The following BRD7 variants were observed in gnomAD, a reference collection of about 807,000 sequenced individuals.
BRD7 encodes the protein bromodomain-containing protein 7.
A neutral mutation model predicts 82.1 loss-of-function variants in BRD7; 15 were observed. That is an observed-to-expected ratio of 0.18 (90% CI 0.12 to 0.28). The LOEUF (loss-of-function observed/expected upper bound fraction) is 0.28, where lower values mean the gene tolerates loss of function less well. Ranked by LOEUF, BRD7 falls within the 10% of genes least tolerant of loss-of-function variation. The probability of loss-of-function intolerance (pLI) is 1.00; values close to 1 mark genes in which losing one functional copy is unlikely to be tolerated. For synonymous variants in BRD7, 232 were observed against 266.9 expected, an observed-to-expected ratio of 0.87 and a Z score of 1.27; for missense variants, 638 against 779.9, an observed-to-expected ratio of 0.82 and a Z score of 2.17.
chr16:50,350,316 T>C (rs974203355), intron 4 of BRD7, 149 bp from the exon 5 acceptor site: 10 of 558,716 alleles, frequency 1.8e-5, no homozygotes, highest in African/African-American at 1.8e-4. Context: ...GAAGAAATGA[T>C]TTTAAAGTCT....
At chr16:50,324,144 A>G (rs1440788297) in intron 11 of BRD7, among the ~76,000 whole-genome samples, 6 of 152,104 alleles carry the variant, frequency 3.9e-5, no homozygotes, top group Non-Finnish European at 4.4e-5. Context: ...CCCCCCAAGT[A>G]ATGTTCCAAA....
chr16:50,324,316 C>A (rs572046680), intron 11 of BRD7, among the ~76,000 whole-genome samples: 1 of 152,146 alleles, frequency 6.6e-6, no homozygotes, highest in Non-Finnish European at 1.5e-5. Context: ...GCTACTCCCC[C>A]GGTCCATTTC....
intron 2 of BRD7, among the ~76,000 whole-genome samples, chr16:50,360,058 A>C (rs2151204713): frequency 6.6e-6 from 1 of 152,354 alleles, no homozygotes; most frequent in East Asian, 1.9e-4. Context: ...CTTTTAAAGC[A>C]AATCTTTGCT....
At chr16:50,319,363 T>C in intron 16 of BRD7, 97 bp from the exon 17 acceptor site, 13 of 1,152,642 alleles carry the variant, frequency 1.1e-5, no homozygotes, top group Non-Finnish European at 1.6e-5. Context: ...GCATAACTGC[T>C]GAGAGCCCTT....
chr16:50,319,183 A>ATAAT lies in BRD7; in HGVS notation c.*24_*27dup, dbSNP rs1482778827. The ATAAT allele has an allele frequency of 6.4e-7, 1 of 1,555,048 alleles. No individual in the cohort carries two copies. The highest frequency in any genetic ancestry group is 1.4e-5 in the African/African-American group (1 of 73,250). On this transcript the variant is annotated 3_prime_UTR_variant, in exon 17 of 17. Coordinates refer to ENST00000394688, the MANE Select transcript of BRD7 (RefSeq NM_013263.5). Reference sequence around the variant, plus strand: ...AAGTTAAGAATGAAAAAGTATGTACATAATATATAATCAAATACCAGGCAG... The same window carrying ATAAT: ...AAGTTAAGAATGAAAAAGTATGTACATAATTAATATATAATCAAATACCAGGCAG...
rs1169781733 is a variant in BRD7 at position 50,325,889 on chromosome 16, G to GA, written c.1196-7dup. The GA allele has an allele frequency of 1.3e-6, 2 of 1,580,868 alleles. No individual in the cohort carries two copies. The highest frequency in any genetic ancestry group is 2.7e-5 in the African/African-American group (2 of 73,048). On this transcript the variant is annotated splice_polypyrimidine_tract_variant and splice_region_variant and intron_variant, in intron 10 of 16. Coordinates refer to ENST00000394688, the MANE Select transcript of BRD7 (RefSeq NM_013263.5). ...CCCATAATTCAAATATAACACTGTT[G>GA]AAAAAATCAAATACTGTAACACTAT...
intron 2 of BRD7, among the ~76,000 whole-genome samples, chr16:50,358,085 T>C (rs2038805193): frequency 6.6e-6 from 1 of 152,208 alleles, no homozygotes; most frequent in African/African-American, 2.4e-5. Flanking sequence ...AACTCTGCTT[T>C]TGTATTATAG....
At position 50,354,888 on chromosome 16, in the gene BRD7, T is replaced by G. The variant is rs1185113224; in HGVS notation, c.293A>C (p.Glu98Ala). Residue 98 changes from glutamate to alanine, a missense_variant, in exon 3 of 17, where the codon GAG (glutamate) becomes GCG (alanine). This residue lies in a region of BRD7 where 172 missense variants were observed against 155.3 expected (regional missense o/e 1.11). Coordinates refer to ENST00000394688, the MANE Select transcript of BRD7 (RefSeq NM_013263.5). ...DKKKRDRDRV[E>A]NEAEKDLQCH... The stretch of plus-strand genomic sequence containing the variant: ...CTGGAGATCTTTTTCTGCCTCATTC[T>G]CCACCCGGTCTCGATCTCGCTTCTT... 1 of 1,613,806 alleles carries G rather than the reference T, an allele frequency of 6.2e-7. No individual in the cohort carries two copies.
At position 50,358,641 on chromosome 16, in the gene BRD7, G is replaced by T. The variant is rs1683910244; in HGVS notation, c.259-3719C>A. ...TTTATCTTACAGAGTTGATAAGATG[G>T]TCAATCATAAACTAGCCAAGTGGAA... On this transcript the variant is annotated intron_variant, in intron 2 of 16. Transcript: ENST00000394688. Among the ~76,000 whole-genome samples the T allele has an allele frequency of 3.9e-5, 6 of 152,258 alleles. No homozygotes were observed. The South Asian group carries it at 1.0e-3, about 26-fold the overall frequency.
At chr16:50,344,438 C>T (rs1044075741) in intron 5 of BRD7, among the ~76,000 whole-genome samples, 2 of 152,162 alleles carry the variant, frequency 1.3e-5, no homozygotes, top group Non-Finnish European at 2.9e-5. Context: ...GAGAAGAATG[C>T]TTCAGACGAT....
chr16:50,339,590 A>C (rs572563306), intron 6 of BRD7, among the ~76,000 whole-genome samples: 3 of 152,214 alleles, frequency 2.0e-5, no homozygotes, highest in Non-Finnish European at 4.4e-5. Flanking sequence ...TCTTACTAGA[A>C]ATTCTGTGCT....
chr16:50,339,883 AAATC>A (rs2037976340), intron 6 of BRD7, 89 bp downstream of exon 6: 7 of 588,208 alleles, frequency 1.2e-5, no homozygotes, highest in Non-Finnish European at 2.0e-5. Flanking sequence ...TAATAAAATA[AAATC>A]AATACTGTAT....
intron 8 of BRD7, among the ~76,000 whole-genome samples, chr16:50,332,516 G>C (rs2090868697): frequency 6.6e-6 from 1 of 152,202 alleles, no homozygotes; most frequent in Non-Finnish European, 1.5e-5. Context: ...AGGTTGTGGA[G>C]AAAAGGGAAT....
chr16:50,339,333 TCA>T (rs2037949309), intron 6 of BRD7, among the ~76,000 whole-genome samples: 1 of 152,210 alleles, frequency 6.6e-6, no homozygotes, highest in African/African-American at 2.4e-5. Context: ...ATGAGTACAC[TCA>T]CACAAACCTA....
chr16:50,353,739 G>A (rs1298019790), intron 4 of BRD7, among the ~76,000 whole-genome samples: 6 of 147,592 alleles, frequency 4.1e-5, no homozygotes, highest in Non-Finnish European at 4.5e-5. Context: ...GACTACAGGC[G>A]CCCATCACCA....
rs977136895 is a variant in BRD7 at position 50,333,794 on chromosome 16, G to A, written c.888-97C>T. On this transcript the variant is annotated intron_variant, in intron 7 of 16. Transcript: ENST00000394688. Reference sequence around the variant, plus strand: ...TAAATATGAATACAACTAAAGTGGAGACATTTGTACTACAGTCACTCATTG... The same window carrying A: ...TAAATATGAATACAACTAAAGTGGAAACATTTGTACTACAGTCACTCATTG... 4.6e-6 allele frequency: 5 copies of A among 1,086,688 alleles called. No homozygotes were observed. The African/African-American group carries it at 4.8e-5, about 10-fold the overall frequency. 67.3% of individuals were successfully genotyped at this position (1,086,688 alleles called of 1,614,324 possible).
At chr16:50,358,434 TG>T (rs955236472) in intron 2 of BRD7, among the ~76,000 whole-genome samples, 1 of 146,208 alleles carries the variant, frequency 6.8e-6, no homozygotes, top group Admixed American at 7.0e-5. Flanking sequence ...AGGTGGAGGT[TG>T]CGGTAAGTCG....
Position 50,368,729 on chromosome 16 carries a change from C to G in BRD7, c.46G>C (p.Glu16Gln), listed in dbSNP as rs1361136798. The G allele has an allele frequency of 1.9e-6, 3 of 1,557,810 alleles. No homozygotes were observed. The highest frequency in any genetic ancestry group is 1.9e-5 in the Admixed American group (1 of 53,808). The change falls in exon 1 of 17, where the codon GAG (glutamate) becomes CAG (glutamine). Residue 16 changes from glutamate to glutamine, a missense_variant. Around this residue, in one of 3 missense-constraint regions of BRD7, gnomAD observed 172 missense variants for 155.3 expected, o/e 1.11. Coordinates refer to ENST00000394688, the MANE Select transcript of BRD7 (RefSeq NM_013263.5). The part of the protein sequence containing the change: ...KKHKSDKHLY[E>Q]EYVEKPLKLV... The stretch of plus-strand genomic sequence containing the variant: ...CGCACCCCGGCCCCCTCCTCACCCT[C>G]GTAGAGGTGTTTGTCCGACTTGTGC...
intron 8 of BRD7, 126 bp downstream of exon 8, chr16:50,333,448 A>G: frequency 8.4e-7 from 1 of 1,195,664 alleles, no homozygotes; most frequent in Non-Finnish European, 1.2e-6. Flanking sequence ...TTTTTCTGCT[A>G]AGTATTATAC....
Sources: gnomAD v4.1 joint callset for allele counts (sites outside exome capture counted in the v4.1 genomes callset) on GRCh38, gnomAD v4.1.1 for gene constraint, gnomAD v4.1.1 regional missense constraint, MANE v1.5 for transcripts, NCBI Gene and HGNC (gene_info 2026-07-23, HGNC 2026-07-21) for gene names.